Variants in CYP2E1 observed in about 807,000 individuals in gnomAD.
CYP2E1 encodes cytochrome P450 2E1.
Under a neutral mutation model 42.9 loss-of-function variants are expected in CYP2E1, and 31 were observed. The observed-to-expected ratio is 0.72, with a 90% CI of 0.54 to 0.98. The LOEUF is 0.98. Among genes scored for constraint, CYP2E1 ranks in the 50% least tolerant of loss-of-function variants. The pLI, the probability that CYP2E1 is intolerant of heterozygous loss-of-function variation, is 0.00. For missense variants in CYP2E1, 565 were observed against 633.2 expected (o/e 0.89, Z 1.16); for synonymous variants, 244 against 248.9 (o/e 0.98, Z 0.19).
chr10:133,528,391 C>T (rs1851296440), intron 1 of CYP2E1, 90 bp from the exon 2 acceptor site: 2 of 1,489,652 alleles, frequency 1.3e-6, no homozygotes, highest in Admixed American at 1.9e-5. Flanking sequence ...TCTAGAGCAA[C>T]AGCAATACCC....
At position 133,532,147 on chromosome 10, in the gene CYP2E1, C is replaced by T. The variant is rs758535504; in HGVS notation, c.511C>T (p.Leu171Phe). 6.2e-6 allele frequency: 10 copies of T among 1,613,778 alleles called. No individual in the cohort carries two copies. The highest frequency in any genetic ancestry group is 4.0e-5 in the African/African-American group (3 of 74,888). ...TQGQPFDPTF[L>F]IGCAPCNVIA... ...AGGCCAGCCTTTCGACCCCACCTTC[C>T]TCATCGGCTGCGCGCCCTGCAACGT... Residue 171 changes from leucine (L) to phenylalanine (F), a missense_variant, in exon 4 of 9, where the codon CTC (leucine) becomes TTC (phenylalanine). Transcript: ENST00000252945.
At chr10:133,528,364 C>T in intron 1 of CYP2E1, 117 bp from the exon 2 acceptor site, 1 of 1,238,270 alleles carries the variant, frequency 8.1e-7, no homozygotes, top group Non-Finnish European at 1.1e-6. Context: ...AGCTTTTCCC[C>T]ACGTCCCTCT....
intron 1 of CYP2E1, among the ~76,000 whole-genome samples, chr10:133,527,814 G>A (rs918817617): frequency 8.5e-5 from 13 of 152,198 alleles, no homozygotes; most frequent in Non-Finnish European, 1.6e-4. Context: ...CTGATGATGG[G>A]GAGGCCGGCG....
intron 6 of CYP2E1, 66 bp downstream of exon 6, chr10:133,533,963 A>G (rs193040167): frequency 7.3e-5 from 114 of 1,555,292 alleles, no homozygotes; most frequent in Non-Finnish European, 9.9e-5. Flanking sequence ...AGCCTTGCAC[A>G]TTTTAGGCTG....
chr10:133,537,538 G>A (rs1474330067), intron 7 of CYP2E1: 3 of 603,196 alleles, frequency 5.0e-6, no homozygotes, highest in East Asian at 5.6e-5. Context: ...CAGCCCTGGG[G>A]TTAATCCTGT....
chr10:133,537,303 C>A (rs139603080), intron 7 of CYP2E1, 53 bp downstream of exon 7: 5 of 1,567,714 alleles, frequency 3.2e-6, no homozygotes, highest in Non-Finnish European at 4.3e-6. Context: ...ATCAGCTAAT[C>A]GCCTTCCTGC....
intron 2 of CYP2E1, among the ~76,000 whole-genome samples, 160 bp downstream of exon 2, chr10:133,528,800 G>A (rs567101726): frequency 6.6e-6 from 1 of 152,240 alleles, no homozygotes; most frequent in Non-Finnish European, 1.5e-5. Context: ...TGGCCCCCGC[G>A]CGTTGCCTGC....
intron 2 of CYP2E1, among the ~76,000 whole-genome samples, chr10:133,530,706 A>G (rs1247252732): frequency 1.3e-5 from 2 of 152,110 alleles, no homozygotes; most frequent in Non-Finnish European, 2.9e-5. Context: ...CCCAAAATGT[A>G]TTTATTGAGG....
intron 3 of CYP2E1, 162 bp downstream of exon 3, chr10:133,531,896 C>T: frequency 1.2e-6 from 1 of 818,858 alleles, no homozygotes; most frequent in Non-Finnish European, 1.9e-6. Flanking sequence ...TAGGTTCCAG[C>T]TACACAGTTC....
chr10:133,530,140 A>C (rs1851320127), intron 2 of CYP2E1, among the ~76,000 whole-genome samples: 1 of 152,194 alleles, frequency 6.6e-6, no homozygotes, highest in African/African-American at 2.4e-5. Context: ...CGCAGGGCGC[A>C]GACTGGCGGA....
chr10:133,534,370 T>TCG (rs376294774), intron 6 of CYP2E1, among the ~76,000 whole-genome samples: 31,256 of 59,658 alleles, frequency 0.52, 4,339 homozygotes, highest in East Asian at 0.63. Flanking sequence ...CCCTGGACCC[T>TCG]TGTTCCTTCC....
Position 133,537,234 on chromosome 10 carries a change from G to A in CYP2E1, c.1139G>A (p.Gly380Glu), listed in dbSNP as rs752748963. Residue 380 changes from glycine to glutamate, a missense_variant, in exon 7 of 9, where the codon GGA (glycine) becomes GAA (glutamate). Coordinates refer to ENST00000252945, the MANE Select transcript of CYP2E1 (RefSeq NM_000773.4). Reference protein sequence around the residue: ...HEATRDTIFRGYLIPKGTVVV... With the variant: ...HEATRDTIFREYLIPKGTVVV... Reference sequence around the variant, plus strand: ...GCAACCCGAGACACCATTTTCAGAGGATACCTCATCCCCAAGGTTAAGCAA... The same window carrying A: ...GCAACCCGAGACACCATTTTCAGAGAATACCTCATCCCCAAGGTTAAGCAA... 6.2e-7 allele frequency: 1 copy of A among 1,613,844 alleles called. No individual in the cohort carries two copies. The highest frequency in any genetic ancestry group is 8.5e-7 in the Non-Finnish European group (1 of 1,179,882).
chr10:133,537,500 T>G, intron 7 of CYP2E1: 3 of 595,304 alleles, frequency 5.0e-6, no homozygotes, highest in Non-Finnish European at 8.8e-6. Flanking sequence ...TGTAGTGAAT[T>G]CTAATGCCAG....
intron 7 of CYP2E1, 92 bp downstream of exon 7, chr10:133,537,342 C>A: frequency 1.5e-6 from 2 of 1,355,778 alleles, no homozygotes; most frequent in South Asian, 1.4e-5. Flanking sequence ...CCCCAAGACC[C>A]TTCCCTTTGG....
At chr10:133,528,740 A>C in intron 2 of CYP2E1, 100 bp downstream of exon 2, 1 of 1,385,404 alleles carries the variant, frequency 7.2e-7, no homozygotes, top group Non-Finnish European at 1.0e-6. Context: ...ATAAACTAAC[A>C]GTAATATTAT....
intron 6 of CYP2E1, 138 bp downstream of exon 6, chr10:133,534,035 A>G (rs935347170): frequency 1.7e-5 from 16 of 917,626 alleles, no homozygotes; most frequent in Admixed American, 1.3e-4. Context: ...GGCTAGATGC[A>G]CTGCTGTGAG....
intron 5 of CYP2E1, 87 bp downstream of exon 5, chr10:133,532,955 G>T (rs1413002126): frequency 3.1e-6 from 4 of 1,284,834 alleles, no homozygotes; most frequent in Non-Finnish European, 4.2e-6. Flanking sequence ...TGCACTTGCT[G>T]GTGTCCAGAC....
At chr10:133,535,138 T>G (rs1035459785) in intron 6 of CYP2E1, among the ~76,000 whole-genome samples, 4 of 151,980 alleles carry the variant, frequency 2.6e-5, no homozygotes, top group African/African-American at 9.7e-5. Flanking sequence ...GTTCGAGACC[T>G]TCCTGGCCAA....
chr10:133,530,036 G>A (rs1170333169), intron 2 of CYP2E1, among the ~76,000 whole-genome samples: 2 of 152,164 alleles, frequency 1.3e-5, no homozygotes, highest in African/African-American at 4.8e-5. Flanking sequence ...GGAGGCAGCA[G>A]GGAGGGGAGC....
Sources: gnomAD v4.1 joint callset for allele counts (sites outside exome capture counted in the v4.1 genomes callset) on GRCh38, gnomAD v4.1.1 for gene constraint, MANE v1.5 for transcripts, NCBI Gene and HGNC (gene_info 2026-07-23, HGNC 2026-07-21) for gene names.